Variants in TBC1D4 observed in about 807,000 individuals in gnomAD.
TBC1D4 encodes TBC1 domain family member 4.
A neutral mutation model predicts 142.5 loss-of-function variants in TBC1D4; 121 were observed. The ratio of observed to expected loss-of-function variants is 0.85; its 90% CI spans 0.73 to 0.99. TBC1D4 has a LOEUF of 0.99. TBC1D4 is among the 50% of genes least tolerant of loss of function. TBC1D4 has a pLI of 0.00. For synonymous variants in TBC1D4, 630 were observed against 628.2 expected, an observed-to-expected ratio of 1.00 and a Z score of -0.04; for missense variants, 1,475 against 1,606.6, an observed-to-expected ratio of 0.92 and a Z score of 1.40.
At chr13:75,440,177 C>T (rs1002822560) in intron 1 of TBC1D4, among the ~76,000 whole-genome samples, 5 of 151,312 alleles carry the variant, frequency 3.3e-5, no homozygotes, top group East Asian at 1.9e-4. Flanking sequence ...CAGAATAATG[C>T]GATAAGTGTT....
At chr13:75,399,945 G>A (rs1056298124) in intron 1 of TBC1D4, among the ~76,000 whole-genome samples, 1 of 152,036 alleles carries the variant, frequency 6.6e-6, no homozygotes, top group Non-Finnish European at 1.5e-5. Context: ...GTTGGGGAGA[G>A]ACCAAAAGGA....
intron 15 of TBC1D4, among the ~76,000 whole-genome samples, chr13:75,304,363 CATT>C (rs1876932661): frequency 6.6e-6 from 1 of 152,082 alleles, no homozygotes; most frequent in African/African-American, 2.4e-5. Context: ...GATGCCTCAT[CATT>C]GAGTGATGAA....
In TBC1D4 at chr13:75,481,323, C is replaced by G. The variant is rs1370482088; in HGVS notation, c.445G>C (p.Asp149His). The G allele has an allele frequency of 6.2e-7, 1 of 1,613,814 alleles. No individual in the cohort carries two copies. Among genetic ancestry groups the G allele is most frequent in the African/African-American group, 1.3e-5 (1 of 75,042 alleles). ...FAYLIKAQPDDPESQMACHVF... is the reference protein window; with the variant it reads ...FAYLIKAQPDHPESQMACHVF... Reference sequence around the variant, plus strand: ...TGGCAGGCCATCTGCGACTCGGGGTCGTCGGGCTGCGCCTTGATCAGGTAG... The same window carrying G: ...TGGCAGGCCATCTGCGACTCGGGGTGGTCGGGCTGCGCCTTGATCAGGTAG... The change falls in exon 1 of 21, where the codon GAC (aspartate) becomes CAC (histidine). Residue 149 changes from aspartate to histidine, a missense_variant. By Grantham distance (81) the Asp-to-His change is moderately conservative (BLOSUM62 -1). This residue lies in a region of TBC1D4 where 1,227 missense variants were observed against 1,267.7 expected (regional missense o/e 0.97). Coordinates refer to ENST00000377636, the MANE Select transcript of TBC1D4 (RefSeq NM_014832.5).
Position 75,294,987 on chromosome 13 carries a change from GA to G in TBC1D4, c.3182del (p.Leu1061ProfsTer38). 4 of 1,613,790 alleles carry G rather than the reference GA, an allele frequency of 2.5e-6. No individual in the cohort carries two copies. Among genetic ancestry groups the G allele is most frequent in the Non-Finnish European group, 3.4e-6 (4 of 1,179,810 alleles). On this transcript the variant is annotated frameshift_variant, in exon 18 of 21. Transcript: ENST00000377636. LOFTEE classifies it high-confidence loss of function. ...AGAGATCTCTGTGATAGTCATGAAG[GA>G]GCCTGGACAGCTGGTACATTTGAAT... ...LQIQMYQLSR[L>X]LHDYHRDLYN...
At chr13:75,473,896 TTTAC>T (rs1438581041) in intron 1 of TBC1D4, among the ~76,000 whole-genome samples, 5 of 152,188 alleles carry the variant, frequency 3.3e-5, no homozygotes, top group African/African-American at 1.2e-4. Context: ...AAATTCATGG[TTTAC>T]TTGTTTTTAA....
At chr13:75,391,924 C>A (rs1006878007) in intron 1 of TBC1D4, among the ~76,000 whole-genome samples, 1 of 152,166 alleles carries the variant, frequency 6.6e-6, no homozygotes, top group Non-Finnish European at 1.5e-5. Context: ...AGTGACAACT[C>A]CATTGGCCAC....
intron 20 of TBC1D4, 34 bp downstream of exon 20, chr13:75,288,900 A>C: frequency 6.2e-7 from 1 of 1,605,530 alleles, no homozygotes; most frequent in Non-Finnish European, 8.5e-7. Flanking sequence ...GGAGGCATTG[A>C]AGTACTTATT....
rs762411770 is a variant in TBC1D4, at chr13:75,287,040, A to G, written c.3664-15T>C. The G allele has an allele frequency of 6.0e-5, 96 of 1,602,650 alleles. No homozygotes were observed. Among genetic ancestry groups the G allele is most frequent in the Non-Finnish European group, 7.7e-5 (90 of 1,170,066 alleles). On this transcript the variant is annotated splice_polypyrimidine_tract_variant and intron_variant, in intron 20 of 20. Coordinates refer to ENST00000377636, the MANE Select transcript of TBC1D4 (RefSeq NM_014832.5). ...GTATGAGCTACCTGTTTGGGGGGGA[A>G]AAAATCCTCCAAATCAAATGATTCA...
At chr13:75,332,240 C>T (rs1021387732) in intron 8 of TBC1D4, among the ~76,000 whole-genome samples, 2 of 152,210 alleles carry the variant, frequency 1.3e-5, no homozygotes, top group Non-Finnish European at 2.9e-5. Flanking sequence ...TATACCACCT[C>T]CTATCTATGA....
rs1338970446 is a variant in TBC1D4, at chr13:75,356,270, G to C, written c.1171-19C>G. The C allele has an allele frequency of 6.5e-7, 1 of 1,538,178 alleles. No homozygotes were observed. The highest frequency in any genetic ancestry group is 9.0e-7 in the Non-Finnish European group (1 of 1,111,388). ...TTATACCCTAGATGGAGGGGAAGAAGTGCAATAAAAATGTATGGGAATATA... is the reference window on the plus strand; with the variant it reads ...TTATACCCTAGATGGAGGGGAAGAACTGCAATAAAAATGTATGGGAATATA... On this transcript the variant is annotated intron_variant, in intron 3 of 20. Coordinates refer to ENST00000377636, the MANE Select transcript of TBC1D4 (RefSeq NM_014832.5).
intron 13 of TBC1D4, among the ~76,000 whole-genome samples, chr13:75,312,163 G>C (rs994794145): frequency 3.9e-5 from 6 of 152,092 alleles, no homozygotes; most frequent in Admixed American, 3.9e-4. Context: ...TACTCAAAGA[G>C]AGCTGCCTGT....
Position 75,326,184 on chromosome 13 carries a change from G to A in TBC1D4, c.2033+13C>T. 3 of 1,613,684 alleles carry A rather than the reference G, an allele frequency of 1.9e-6. No individual in the cohort carries two copies. The highest frequency in any genetic ancestry group is 2.5e-6 in the Non-Finnish European group (3 of 1,179,718). On this transcript the variant is annotated intron_variant, in intron 10 of 20. Transcript: ENST00000377636. ...GAGAATCTAGGTCTCATTCTGGAGA[G>A]GGTCAGACTCACCTGCACTGTTCAC... is the stretch of plus-strand genomic sequence containing the variant.
chr13:75,362,309 C>T lies in TBC1D4; in HGVS notation c.797G>A (p.Cys266Tyr), dbSNP rs1253402877. ...GGTGCCGTCAGCCTCCTCCGGCAGGCAGTCTCCGGGGGACCCGGGCACCAC... is the reference window on the plus strand; with the variant it reads ...GGTGCCGTCAGCCTCCTCCGGCAGGTAGTCTCCGGGGGACCCGGGCACCAC... ...EVVVPGSPGD[C>Y]LPEEADGTDT... is the part of the protein sequence containing the mutation. The change falls in exon 2 of 21, where the codon TGC becomes TAC. Residue 266 changes from cysteine (C) to tyrosine (Y), a missense_variant. Cys to Tyr is a radical substitution (Grantham distance 194). Around this residue, in one of 2 missense-constraint regions of TBC1D4, gnomAD observed 1,227 missense variants for 1,267.7 expected, o/e 0.97. Transcript: ENST00000377636. The surrounding 1 kb of genome is among the most constrained non-coding windows in gnomAD (Gnocchi z 4.2). 5 of 1,613,870 alleles carry T rather than the reference C, an allele frequency of 3.1e-6. No individual in the cohort carries two copies. The Admixed American group carries it at 6.7e-5, about 22-fold the overall frequency.
At chr13:75,410,166 A>G (rs1035535360) in intron 1 of TBC1D4, among the ~76,000 whole-genome samples, 2 of 152,300 alleles carry the variant, frequency 1.3e-5, no homozygotes, top group Admixed American at 6.5e-5. Context: ...AATGGTACCT[A>G]TAATTACTAT....
intron 1 of TBC1D4, among the ~76,000 whole-genome samples, chr13:75,374,529 A>T (rs1470769916): frequency 1.3e-5 from 2 of 152,216 alleles, no homozygotes; most frequent in East Asian, 3.9e-4. Context: ...CCTTAGGTCT[A>T]CATTAAAAAG....
intron 13 of TBC1D4, among the ~76,000 whole-genome samples, chr13:75,311,319 C>T (rs180678238): frequency 3.3e-4 from 50 of 152,306 alleles, no homozygotes; most frequent in Non-Finnish European, 6.0e-4. Flanking sequence ...CTTCCAGCAA[C>T]GAGTTTAAAT....
chr13:75,349,308 G>A lies in TBC1D4; in HGVS notation c.1276-6C>T. ...GTCAGCATTACCTCATCAACCTACA[G>A]GAAGAAACAAAACTCAGGTCTATAA... On this transcript the variant is annotated splice_polypyrimidine_tract_variant and splice_region_variant and intron_variant, in intron 4 of 20. Coordinates refer to ENST00000377636, the MANE Select transcript of TBC1D4 (RefSeq NM_014832.5). The A allele has an allele frequency of 6.2e-7, 1 of 1,613,608 alleles. No homozygotes were observed. Among genetic ancestry groups the A allele is most frequent in the Admixed American group, 1.7e-5 (1 of 59,972 alleles).
chr13:75,436,336 C>G (rs1475362805), intron 1 of TBC1D4, among the ~76,000 whole-genome samples: 1 of 152,008 alleles, frequency 6.6e-6, no homozygotes, highest in South Asian at 2.1e-4. Flanking sequence ...CCAACTAGTT[C>G]ATGAAGAAGG....
At chr13:75,414,426 G>A (rs545403897) in intron 1 of TBC1D4, among the ~76,000 whole-genome samples, 1 of 152,132 alleles carries the variant, frequency 6.6e-6, no homozygotes, top group Non-Finnish European at 1.5e-5. Flanking sequence ...AGCTACCCAC[G>A]AAAAGTTTTT....
Sources: gnomAD v4.1 joint callset for allele counts (sites outside exome capture counted in the v4.1 genomes callset) on GRCh38, gnomAD v4.1.1 for gene constraint, gnomAD v4.1.1 regional missense constraint, Gnocchi (gnomAD v3.1) non-coding constraint, MANE v1.5 for transcripts, NCBI Gene and HGNC (gene_info 2026-07-23, HGNC 2026-07-21) for gene names.